Variants in ATF2 observed in about 807,000 individuals in gnomAD.
The protein encoded by ATF2 is activating transcription factor 2.
ATF2 carries 24 observed loss-of-function variants against 60.6 expected under a neutral mutation model. The ratio of observed to expected loss-of-function variants is 0.40; its 90% CI spans 0.29 to 0.56. ATF2 has a LOEUF of 0.56. Ranked by LOEUF, ATF2 falls within the 20% of genes least tolerant of loss-of-function variation. The pLI, the probability that ATF2 is intolerant of heterozygous loss-of-function variation, is 0.54. For missense variants in ATF2, 433 were observed against 607.7 expected, an observed-to-expected ratio of 0.71 and a Z score of 3.02; for synonymous variants, 206 against 215.4, an observed-to-expected ratio of 0.96 and a Z score of 0.38.
chr2:175,164,714 A>G (rs1161119824), intron 1 of ATF2, among the ~76,000 whole-genome samples: 2 of 151,978 alleles, frequency 1.3e-5, no homozygotes, highest in Non-Finnish European at 1.5e-5. Flanking sequence ...ATACTATCCT[A>G]CTACTTCAAC....
At chr2:175,139,217 G>C (rs1698335467) in intron 2 of ATF2, among the ~76,000 whole-genome samples, 1 of 152,150 alleles carries the variant, frequency 6.6e-6, no homozygotes, top group Admixed American at 6.5e-5. Flanking sequence ...AGCAGGCACA[G>C]AGTAATTGTT....
intron 3 of ATF2, among the ~76,000 whole-genome samples, chr2:175,134,707 G>A (rs1698010568): frequency 6.6e-6 from 1 of 152,150 alleles, no homozygotes; most frequent in African/African-American, 2.4e-5. Context: ...ACTTTAGCTG[G>A]GTGCAGTGGC....
At chr2:175,125,543 G>A (rs1443184228) in intron 4 of ATF2, among the ~76,000 whole-genome samples, 2 of 152,014 alleles carry the variant, frequency 1.3e-5, no homozygotes, top group South Asian at 2.1e-4. Flanking sequence ...CAAAATACAC[G>A]AAGAAACTTA....
At chr2:175,148,049 T>C (rs557408262) in intron 2 of ATF2, 3 of 151,120 alleles carry the variant, frequency 2.0e-5, no homozygotes, top group Admixed American at 6.6e-5. Flanking sequence ...TTAGGACCGG[T>C]AGACATTTTC....
At chr2:175,158,327 G>A (rs1450274578) in intron 1 of ATF2, among the ~76,000 whole-genome samples, 1 of 149,138 alleles carries the variant, frequency 6.7e-6, no homozygotes, top group Non-Finnish European at 1.5e-5. Flanking sequence ...CTGGGCTCAA[G>A]TGATCCTCCC....
intron 1 of ATF2, among the ~76,000 whole-genome samples, chr2:175,161,088 A>T (rs1699999386): frequency 6.6e-6 from 1 of 152,230 alleles, no homozygotes; most frequent in Non-Finnish European, 1.5e-5. Context: ...TCATAATTTT[A>T]TCATCTTAAA....
At chr2:175,148,640 G>A (rs893198409) in intron 2 of ATF2, among the ~76,000 whole-genome samples, 1 of 152,148 alleles carries the variant, frequency 6.6e-6, no homozygotes, top group African/African-American at 2.4e-5. Context: ...TATCAACACA[G>A]AGACCGTAAG....
chr2:175,134,213 T>C lies in ATF2; in HGVS notation c.32+2199A>G, dbSNP rs554238109. ...AACAACTATTCACACAGCATATGCA[T>C]TGTAGTAGGTATTAAAAGTAATCTA... On this transcript the variant is annotated intron_variant, in intron 3 of 13. Transcript: ENST00000264110. 4.6e-5 allele frequency among the ~76,000 whole-genome samples: 7 copies of C among 152,220 alleles called. No individual in the cohort carries two copies. In the South Asian group the frequency reaches 1.5e-3, roughly 32 times the overall value.
At chr2:175,106,910 T>A (rs1281359516) in intron 10 of ATF2, among the ~76,000 whole-genome samples, 1 of 152,118 alleles carries the variant, frequency 6.6e-6, no homozygotes, top group Non-Finnish European at 1.5e-5. Flanking sequence ...ATGCCCGTAA[T>A]CCCAGTACTT....
chr2:175,139,693 GAAAT>G (rs1698376171), intron 2 of ATF2, among the ~76,000 whole-genome samples: 2 of 148,308 alleles, frequency 1.3e-5, no homozygotes, highest in South Asian at 2.1e-4. Flanking sequence ...AAGAAAGAAA[GAAAT>G]AGATTACATT....
intron 10 of ATF2, among the ~76,000 whole-genome samples, chr2:175,111,141 AC>A (rs1696153688): frequency 6.6e-6 from 1 of 152,178 alleles, no homozygotes; most frequent in African/African-American, 2.4e-5. Flanking sequence ...TAGCATCCAA[AC>A]AGCACAACAG....
chr2:175,114,245 A>C, intron 8 of ATF2, 137 bp from the exon 9 acceptor site: 1 of 1,406,084 alleles, frequency 7.1e-7, no homozygotes. Flanking sequence ...CAAATAGCAA[A>C]ATTTAATTAT....
rs562528102 is a variant in ATF2 at position 175,112,694 on chromosome 2, C to T, written c.742-1040G>A. ...CAACCTCCAGGCTCAAGTGATCCTCCCACCTCAGCCTTCTGAGTAGCTGAG... is the reference window on the plus strand; with the variant it reads ...CAACCTCCAGGCTCAAGTGATCCTCTCACCTCAGCCTTCTGAGTAGCTGAG... On this transcript the variant is annotated intron_variant, in intron 9 of 13. Coordinates refer to ENST00000264110, the MANE Select transcript of ATF2 (RefSeq NM_001880.4). Among the ~76,000 whole-genome samples the T allele has an allele frequency of 2.6e-5, 4 of 152,298 alleles. No homozygotes were observed. In the South Asian group the frequency reaches 8.3e-4, roughly 32 times the overall value.
At chr2:175,107,765 C>G (rs918158034) in intron 10 of ATF2, among the ~76,000 whole-genome samples, 2 of 152,206 alleles carry the variant, frequency 1.3e-5, no homozygotes, top group African/African-American at 4.8e-5. Flanking sequence ...GACGGGGTTT[C>G]GCTGTGTTGG....
At chr2:175,136,380 A>G in intron 3 of ATF2, 32 bp downstream of exon 3, 1 of 1,601,678 alleles carries the variant, frequency 6.2e-7, no homozygotes, top group Non-Finnish European at 8.5e-7. Flanking sequence ...AATGTAAAAA[A>G]TGGCTAAAAA....
chr2:175,106,969 G>A (rs1695716485), intron 10 of ATF2, among the ~76,000 whole-genome samples: 1 of 152,108 alleles, frequency 6.6e-6, no homozygotes, highest in East Asian at 1.9e-4. Context: ...TTCAAGACAA[G>A]CCTGGCAGAG....
intron 1 of ATF2, among the ~76,000 whole-genome samples, chr2:175,155,576 A>G (rs1295928131): frequency 6.6e-6 from 1 of 152,258 alleles, no homozygotes; most frequent in Non-Finnish European, 1.5e-5. Flanking sequence ...GGAGTTCCGC[A>G]AGAATGAAGA....
intron 4 of ATF2, among the ~76,000 whole-genome samples, chr2:175,125,488 T>G (rs531843776): frequency 6.3e-4 from 96 of 152,212 alleles, no homozygotes; most frequent in Middle Eastern, 3.4e-3. Context: ...AATTCAATTA[T>G]GAGTGAGTAT....
intron 1 of ATF2, among the ~76,000 whole-genome samples, chr2:175,162,917 A>G (rs974371041): frequency 2.6e-5 from 4 of 152,092 alleles, no homozygotes; most frequent in African/African-American, 9.7e-5. Context: ...GCGGATCACA[A>G]GGTCAGAAGA....
Sources: gnomAD v4.1 joint callset for allele counts (sites outside exome capture counted in the v4.1 genomes callset) on GRCh38, gnomAD v4.1.1 for gene constraint, MANE v1.5 for transcripts, NCBI Gene and HGNC (gene_info 2026-07-23, HGNC 2026-07-21) for gene names.